WDR70: variants seen among roughly 807,000 people sequenced by gnomAD.
WDR70 encodes the protein WD repeat-containing protein 70.
WDR70 carries 53 observed loss-of-function variants against 88.6 expected under a neutral mutation model. That is an observed-to-expected ratio of 0.60 (90% confidence interval 0.48 to 0.75). The LOEUF (loss-of-function observed/expected upper bound fraction) is 0.75. Among genes scored for constraint, WDR70 ranks in the 30% least tolerant of loss-of-function variants. The pLI is 0.00. For missense variants in WDR70, 610 were observed against 823.2 expected (o/e 0.74, Z 3.17); for synonymous variants, 280 against 270.0 (o/e 1.04, Z -0.36).
intron 17 of WDR70, among the ~76,000 whole-genome samples, chr5:37,736,055 T>C (rs1011052916): frequency 1.3e-5 from 2 of 152,160 alleles, no homozygotes; most frequent in African/African-American, 4.8e-5. Context: ...CAGCTACACA[T>C]AGGCAGATTC....
intron 10 of WDR70, among the ~76,000 whole-genome samples, chr5:37,686,708 C>T (rs1414183984): frequency 1.3e-5 from 2 of 151,852 alleles, no homozygotes; most frequent in Non-Finnish European, 2.9e-5. Flanking sequence ...TTTCCAGAGG[C>T]TCCATGACCA....
intron 9 of WDR70, among the ~76,000 whole-genome samples, chr5:37,574,691 A>G (rs139118836): frequency 1.3e-5 from 2 of 152,328 alleles, no homozygotes; most frequent in Non-Finnish European, 2.9e-5. Context: ...ACTTTAAGCT[A>G]TATGATCAAA....
chr5:37,676,680 T>C (rs1273884183), intron 10 of WDR70, among the ~76,000 whole-genome samples: 1 of 152,074 alleles, frequency 6.6e-6, no homozygotes. Flanking sequence ...ATCAAGGATA[T>C]TGGTCTAAAA....
chr5:37,604,446 T>G (rs1743973076), intron 9 of WDR70, among the ~76,000 whole-genome samples: 1 of 152,198 alleles, frequency 6.6e-6, no homozygotes, highest in African/African-American at 2.4e-5. Context: ...TGTTCTACCC[T>G]CCCTTACTGA....
At chr5:37,455,243 C>CTTTTTTTTTTTT (rs544303522) in intron 7 of WDR70, among the ~76,000 whole-genome samples, 2 of 123,116 alleles carry the variant, frequency 1.6e-5, no homozygotes, top group Non-Finnish European at 1.7e-5. Context: ...TTCTTTCTTT[C>CTTTTTTTTTTTT]TTTTTTTTTT....
intron 5 of WDR70, among the ~76,000 whole-genome samples, chr5:37,399,382 C>G (rs1749129192): frequency 6.6e-6 from 1 of 152,166 alleles, no homozygotes; most frequent in Non-Finnish European, 1.5e-5. Context: ...GATTGCACCA[C>G]TGCACTCTAG....
chr5:37,579,649 T>C (rs1047560204), intron 9 of WDR70, among the ~76,000 whole-genome samples: 12 of 151,730 alleles, frequency 7.9e-5, no homozygotes, highest in African/African-American at 2.9e-4. Context: ...AAAATATAGA[T>C]TTAATTATTG....
intron 9 of WDR70, among the ~76,000 whole-genome samples, chr5:37,538,840 T>C (rs1741737253): frequency 6.6e-6 from 1 of 152,202 alleles, no homozygotes; most frequent in African/African-American, 2.4e-5. Context: ...ATAATGAAGA[T>C]TAAAAAATGC....
chr5:37,637,503 A>G lies in WDR70; in HGVS notation c.1092+32265A>G, dbSNP rs553441102. ...CACACACCCACATGCTAACCTGAAAATGGCAAAATTAATAGATTTTGAAAA... is the reference window on the plus strand; with the variant it reads ...CACACACCCACATGCTAACCTGAAAGTGGCAAAATTAATAGATTTTGAAAA... On this transcript the variant is annotated intron_variant, in intron 10 of 17. Coordinates refer to ENST00000265107, the MANE Select transcript of WDR70 (RefSeq NM_018034.4). 2.6e-5 allele frequency among the ~76,000 whole-genome samples: 4 copies of G among 152,256 alleles called. No individual in the cohort carries two copies. The East Asian group carries it at 7.7e-4, about 29-fold the overall frequency.
At chr5:37,558,932 T>C (rs1038432554) in intron 9 of WDR70, among the ~76,000 whole-genome samples, 10 of 151,394 alleles carry the variant, frequency 6.6e-5, no homozygotes, top group African/African-American at 2.4e-4. Flanking sequence ...TTTTTTTTTT[T>C]CTTCTTTTTC....
At chr5:37,403,545 A>G (rs950034558) in intron 5 of WDR70, among the ~76,000 whole-genome samples, 1 of 152,200 alleles carries the variant, frequency 6.6e-6, no homozygotes, top group African/African-American at 2.4e-5. Context: ...TCTGAATCCA[A>G]TTTGAGTTTT....
intron 6 of WDR70, among the ~76,000 whole-genome samples, 162 bp downstream of exon 6, chr5:37,438,143 A>T (rs561915076): frequency 6.6e-6 from 1 of 152,338 alleles, no homozygotes; most frequent in East Asian, 1.9e-4. Context: ...GTTCAGTCAA[A>T]ATAGCCATTT....
intron 10 of WDR70, among the ~76,000 whole-genome samples, chr5:37,613,442 A>G (rs1214185218): frequency 6.6e-6 from 1 of 152,222 alleles, no homozygotes; most frequent in East Asian, 1.9e-4. Context: ...AGCCACCTAG[A>G]GAAAGCTGAA....
intron 9 of WDR70, among the ~76,000 whole-genome samples, chr5:37,558,307 A>G (rs78621858): frequency 0.18 from 26,876 of 151,926 alleles, 2,465 homozygotes; most frequent in South Asian, 0.26. Flanking sequence ...TGTTTTGAAC[A>G]CAATGTATTT....
chr5:37,550,230 G>A (rs755138225), intron 9 of WDR70, among the ~76,000 whole-genome samples: 14 of 152,130 alleles, frequency 9.2e-5, no homozygotes, highest in Non-Finnish European at 2.1e-4. Context: ...TACGGTTTTA[G>A]TCCTTCATTC....
chr5:37,498,929 C>T (rs1220598804), intron 8 of WDR70, among the ~76,000 whole-genome samples: 1 of 152,182 alleles, frequency 6.6e-6, no homozygotes, highest in Non-Finnish European at 1.5e-5. Flanking sequence ...TCCAAAGTGG[C>T]TAGACCATTT....
chr5:37,495,020 G>T (rs1740173315), intron 8 of WDR70, among the ~76,000 whole-genome samples: 1 of 152,202 alleles, frequency 6.6e-6, no homozygotes, highest in Admixed American at 6.5e-5. Flanking sequence ...CCTTTGAATT[G>T]CAGTGGTAGA....
chr5:37,746,413 A>G (rs1255795859), intron 17 of WDR70, among the ~76,000 whole-genome samples: 1 of 152,136 alleles, frequency 6.6e-6, no homozygotes, highest in African/African-American at 2.4e-5. Flanking sequence ...AGAAGACAAG[A>G]AATAACTAAG....
intron 9 of WDR70, among the ~76,000 whole-genome samples, chr5:37,568,780 C>T (rs1251145127): frequency 2.0e-5 from 3 of 152,140 alleles, no homozygotes; most frequent in Non-Finnish European, 2.9e-5. Flanking sequence ...TGTATCTGTG[C>T]CCCTTGCAAT....
Sources: allele counts gnomAD v4.1 joint callset (sites outside exome capture counted in the v4.1 genomes callset), GRCh38; gene constraint gnomAD v4.1.1; transcripts MANE v1.5; gene names NCBI Gene and HGNC (gene_info 2026-07-23, HGNC 2026-07-21).